Variants in SLC22A3 observed in about 807,000 individuals in gnomAD.
SLC22A3 encodes solute carrier family 22 member 3.
In SLC22A3, 51 loss-of-function variants were observed where a neutral mutation model predicts 59.1. The ratio of observed to expected loss-of-function variants is 0.86; its 90% confidence interval spans 0.69 to 1.09. SLC22A3 has a LOEUF of 1.09. Among genes scored for constraint, SLC22A3 ranks in the 50% least tolerant of loss-of-function variants. The pLI, the probability that SLC22A3 is intolerant of heterozygous loss-of-function variation, is 0.00. For missense variants in SLC22A3, 711 were observed against 726.3 expected (o/e 0.98, Z 0.24); for synonymous variants, 325 against 292.0 (o/e 1.11, Z -1.15).
intron 5 of SLC22A3, among the ~76,000 whole-genome samples, chr6:160,426,952 C>A (rs1787981956): frequency 6.6e-6 from 1 of 152,230 alleles, no homozygotes; most frequent in Non-Finnish European, 1.5e-5. Flanking sequence ...ATTTAGTATG[C>A]TTCAGTTTCC....
At chr6:160,431,441 C>A (rs774296895) in intron 5 of SLC22A3, among the ~76,000 whole-genome samples, 3 of 152,202 alleles carry the variant, frequency 2.0e-5, no homozygotes, top group Non-Finnish European at 4.4e-5. Context: ...CAAAGACCAG[C>A]TGGATTTGTC....
At chr6:160,364,119 G>A (rs1365281161) in intron 1 of SLC22A3, among the ~76,000 whole-genome samples, 1 of 152,130 alleles carries the variant, frequency 6.6e-6, no homozygotes, top group Non-Finnish European at 1.5e-5. Context: ...ATTTGAAATA[G>A]CTACTACAGG....
intron 5 of SLC22A3, among the ~76,000 whole-genome samples, chr6:160,433,264 T>C (rs1309774105): frequency 6.6e-6 from 1 of 152,246 alleles, no homozygotes; most frequent in Non-Finnish European, 1.5e-5. Context: ...ATTGAGTGAC[T>C]GGAGATCTGC....
intron 1 of SLC22A3, among the ~76,000 whole-genome samples, chr6:160,375,731 G>A (rs1785565193): frequency 6.6e-6 from 1 of 152,112 alleles, no homozygotes; most frequent in African/African-American, 2.4e-5. Context: ...ATTTACCTAA[G>A]TACAAGTGTT....
chr6:160,397,027 A>G (rs906387079), intron 1 of SLC22A3, among the ~76,000 whole-genome samples: 15 of 152,320 alleles, frequency 9.8e-5, no homozygotes, highest in African/African-American at 3.4e-4. Context: ...CAGTCTGTTT[A>G]TAGCAATTGG....
At chr6:160,444,019 TGC>T (rs1319317436) in intron 9 of SLC22A3, among the ~76,000 whole-genome samples, 2 of 152,192 alleles carry the variant, frequency 1.3e-5, no homozygotes, top group African/African-American at 4.8e-5. Flanking sequence ...CTGAGTTAAA[TGC>T]TGTGAAACTC....
chr6:160,432,422 T>C (rs1168130155), intron 5 of SLC22A3, among the ~76,000 whole-genome samples: 3 of 150,504 alleles, frequency 2.0e-5, no homozygotes, highest in African/African-American at 4.9e-5. Context: ...ACAAAAATAA[T>C]GTAGGCTTAA....
intron 1 of SLC22A3, among the ~76,000 whole-genome samples, chr6:160,351,754 T>C (rs1770642688): frequency 6.6e-6 from 1 of 152,180 alleles, no homozygotes; most frequent in South Asian, 2.1e-4. Context: ...TGCCTCCATA[T>C]AGCTATAATA....
chr6:160,357,137 G>T (rs1420247477), intron 1 of SLC22A3, among the ~76,000 whole-genome samples: 1 of 152,200 alleles, frequency 6.6e-6, no homozygotes, highest in African/African-American at 2.4e-5. Flanking sequence ...GATGGAGGAA[G>T]GGTAGGCACA....
intron 1 of SLC22A3, among the ~76,000 whole-genome samples, chr6:160,376,784 A>G (rs1412715575): frequency 6.6e-6 from 1 of 152,216 alleles, no homozygotes. Context: ...CCCTGTATAT[A>G]TATTTTTTGT....
rs560770059 is a variant in SLC22A3 at position 160,383,994 on chromosome 6, A to G, written c.430-13985A>G. 2.6e-5 allele frequency among the ~76,000 whole-genome samples: 4 copies of G among 152,302 alleles called. No individual in the cohort carries two copies. The South Asian group carries it at 8.3e-4, about 32-fold the overall frequency. On this transcript the variant is annotated intron_variant, in intron 1 of 10. Coordinates refer to ENST00000275300, the MANE Select transcript of SLC22A3 (RefSeq NM_021977.4). ...ACCCAGGCTGGAGTGCAGTGGTGCCATCTCAGCTTACTACAACATCTGCCT... is the reference window on the plus strand; with the variant it reads ...ACCCAGGCTGGAGTGCAGTGGTGCCGTCTCAGCTTACTACAACATCTGCCT...
At chr6:160,409,732 A>G (rs1787170655) in intron 4 of SLC22A3, among the ~76,000 whole-genome samples, 1 of 152,206 alleles carries the variant, frequency 6.6e-6, no homozygotes, top group African/African-American at 2.4e-5. Context: ...TGATTTTATT[A>G]ATAATTGTGA....
intron 5 of SLC22A3, among the ~76,000 whole-genome samples, chr6:160,420,099 C>T (rs1181515352): frequency 1.3e-5 from 2 of 152,188 alleles, no homozygotes; most frequent in African/African-American, 4.8e-5. Context: ...TGGTGCCCAG[C>T]ACTCATTTCC....
At chr6:160,398,341 G>T (rs1256676669) in intron 2 of SLC22A3, among the ~76,000 whole-genome samples, 23 of 152,114 alleles carry the variant, frequency 1.5e-4, no homozygotes, top group Non-Finnish European at 4.4e-5. Flanking sequence ...TGAAAACACA[G>T]ACCTCCAAAG....
Position 160,407,024 on chromosome 6 carries a change from C to G in SLC22A3, c.534-17C>G, listed in dbSNP as rs368866461. ...AAAATGTTTAAGGTGAGCTCTTTTC[C>G]TGTCTTTCTCAAAAAGGTATGGCAG... is the stretch of plus-strand genomic sequence containing the variant. On this transcript the variant is annotated splice_polypyrimidine_tract_variant and intron_variant, in intron 2 of 10. Transcript: ENST00000275300. 9 of 1,612,250 alleles carry G rather than the reference C, an allele frequency of 5.6e-6. No homozygotes were observed. Among genetic ancestry groups the G allele is most frequent in the Non-Finnish European group, 7.6e-6 (9 of 1,179,224 alleles).
intron 5 of SLC22A3, chr6:160,425,735 T>A: frequency 1.3e-6 from 1 of 785,898 alleles, no homozygotes; most frequent in South Asian, 5.8e-5. Flanking sequence ...GAAATCTAGG[T>A]AAGGTAAGTA....
In SLC22A3 at chr6:160,442,853, T is replaced by C; in HGVS notation, c.1381T>C (p.Tyr461His). 1.2e-6 allele frequency: 2 copies of C among 1,612,236 alleles called. No individual in the cohort carries two copies. The highest frequency in any genetic ancestry group is 1.7e-6 in the Non-Finnish European group (2 of 1,178,260). ...TGTTTATTTGGTAAATTCAGAATTG[T>C]ACCCAACAACATTACGGTAATTCTA... is the stretch of plus-strand genomic sequence containing the variant. The part of the protein sequence containing the change: ...EIVYLVNSEL[Y>H]PTTLRNFGVS... Residue 461 changes from tyrosine (Y) to histidine (H), a missense_variant, in exon 8 of 11, where the codon TAC becomes CAC. Physicochemically the swap from Tyr to His is moderately conservative, Grantham distance 83 (BLOSUM62 2). Transcript: ENST00000275300.
At chr6:160,390,348 GCCAA>G (rs1786205422) in intron 1 of SLC22A3, among the ~76,000 whole-genome samples, 1 of 152,144 alleles carries the variant, frequency 6.6e-6, no homozygotes, top group African/African-American at 2.4e-5. Context: ...CAACTCCACA[GCCAA>G]GGCACTGGCC....
intron 1 of SLC22A3, among the ~76,000 whole-genome samples, chr6:160,350,847 CA>C (rs1461678272): frequency 3.9e-5 from 6 of 152,096 alleles, no homozygotes; most frequent in African/African-American, 1.4e-4. Context: ...GATGGAGGGT[CA>C]GGGGCTGGCT....
Sources: allele counts gnomAD v4.1 joint callset (sites outside exome capture counted in the v4.1 genomes callset), GRCh38; gene constraint gnomAD v4.1.1; transcripts MANE v1.5; gene names NCBI Gene and HGNC (gene_info 2026-07-23, HGNC 2026-07-21).